The following CADM2 variants were observed in gnomAD, a reference collection of about 807,000 sequenced individuals.
CADM2 encodes the protein cell adhesion molecule 2.
Under a neutral mutation model 49.8 loss-of-function variants are expected in CADM2, and 12 were observed. The observed-to-expected ratio is 0.24, with a 90% CI of 0.15 to 0.39. The LOEUF (loss-of-function observed/expected upper bound fraction) is 0.39. Among genes scored for constraint, CADM2 ranks in the 10% least tolerant of loss-of-function variants. The probability of loss-of-function intolerance (pLI) is 1.00; values close to 1 mark genes in which losing one functional copy is unlikely to be tolerated. For missense variants in CADM2, 378 were observed against 492.3 expected (o/e 0.77, Z 2.20); for synonymous variants, 214 against 175.4 (o/e 1.22, Z -1.74).
At chr3:86,009,430 A>C (rs923001735) in intron 8 of CADM2, among the ~76,000 whole-genome samples, 9 of 151,652 alleles carry the variant, frequency 5.9e-5, no homozygotes, top group African/African-American at 1.9e-4. Flanking sequence ...GTTTTTTACT[A>C]TTATTTTAGG....
At chr3:85,463,771 T>C (rs1359235349) in intron 1 of CADM2, among the ~76,000 whole-genome samples, 5 of 152,088 alleles carry the variant, frequency 3.3e-5, no homozygotes, top group African/African-American at 1.2e-4. Flanking sequence ...AACAGTTCAA[T>C]ATTGTTTCGC....
chr3:85,095,062 T>C (rs2037743157), intron 1 of CADM2, among the ~76,000 whole-genome samples: 1 of 152,176 alleles, frequency 6.6e-6, no homozygotes, highest in South Asian at 2.1e-4. Flanking sequence ...AATAAATTAT[T>C]TATAGAATAT....
chr3:85,754,988 G>A (rs1226290009), intron 2 of CADM2, among the ~76,000 whole-genome samples: 1 of 152,166 alleles, frequency 6.6e-6, no homozygotes, highest in Non-Finnish European at 1.5e-5. Flanking sequence ...TCAGTTGCAA[G>A]TTACAGAAAC....
intron 3 of CADM2, among the ~76,000 whole-genome samples, chr3:85,819,974 G>A (rs1389368626): frequency 6.6e-6 from 1 of 152,060 alleles, no homozygotes; most frequent in Non-Finnish European, 1.5e-5. Flanking sequence ...TTAAATAAAT[G>A]TGAGAGAAAG....
intron 2 of CADM2, among the ~76,000 whole-genome samples, chr3:85,749,200 GAAC>G (rs1235176740): frequency 1.3e-5 from 2 of 151,834 alleles, no homozygotes; most frequent in South Asian, 2.1e-4. Context: ...ACAATGGCAA[GAAC>G]AACAACAAAA....
chr3:85,057,756 T>A (rs1181008305), intron 1 of CADM2, among the ~76,000 whole-genome samples: 1 of 152,152 alleles, frequency 6.6e-6, no homozygotes, highest in East Asian at 1.9e-4. Context: ...TTGCTGCCAC[T>A]GATGCTTTCT....
intron 1 of CADM2, among the ~76,000 whole-genome samples, chr3:85,121,508 A>G (rs2038862567): frequency 6.6e-6 from 1 of 152,166 alleles, no homozygotes; most frequent in African/African-American, 2.4e-5. Flanking sequence ...CGAGGCTTGG[A>G]TCTGAGAACA....
chr3:85,464,362 C>A (rs2038393768), intron 1 of CADM2, among the ~76,000 whole-genome samples: 1 of 151,862 alleles, frequency 6.6e-6, no homozygotes, highest in African/African-American at 2.4e-5. Context: ...ATGAAAAGTA[C>A]AAAAAGAAAA....
chr3:85,272,578 A>G (rs956879145), intron 1 of CADM2, among the ~76,000 whole-genome samples: 1 of 151,364 alleles, frequency 6.6e-6, no homozygotes, highest in African/African-American at 2.4e-5. Context: ...TTTTAGATTC[A>G]TAATTATGCA....
chr3:85,060,281 C>T (rs1011405393), intron 1 of CADM2, among the ~76,000 whole-genome samples: 2 of 152,070 alleles, frequency 1.3e-5, no homozygotes, highest in African/African-American at 2.4e-5. Flanking sequence ...CGCCCACCAC[C>T]ACGCCTGGCT....
chr3:85,306,107 T>C lies in CADM2; in HGVS notation c.61+346439T>C, dbSNP rs1241471244. Among the ~76,000 whole-genome samples, 3 of 151,674 alleles carry C rather than the reference T, an allele frequency of 2.0e-5. No individual in the cohort carries two copies. In the East Asian group the frequency reaches 5.8e-4, roughly 29 times the overall value. ...AATATATTATTTGATTAATTATCCATAGGTAGGTTAAAATATTTCTGTTCT... is the reference window on the plus strand; with the variant it reads ...AATATATTATTTGATTAATTATCCACAGGTAGGTTAAAATATTTCTGTTCT... On this transcript the variant is annotated intron_variant, in intron 1 of 9. Coordinates refer to ENST00000383699, the MANE Select transcript of CADM2 (RefSeq NM_001167675.2).
At chr3:85,658,578 A>ATG (rs1559575291) in intron 1 of CADM2, among the ~76,000 whole-genome samples, 2 of 41,452 alleles carry the variant, frequency 4.8e-5, no homozygotes, top group African/African-American at 2.3e-4. Flanking sequence ...ATATATGTGT[A>ATG]TATATATATA....
At chr3:85,116,836 TACCTTAGG>T (rs1020792047) in intron 1 of CADM2, among the ~76,000 whole-genome samples, 1 of 151,992 alleles carries the variant, frequency 6.6e-6, no homozygotes, top group African/African-American at 2.4e-5. Context: ...ATCATGTTCT[TACCTTAGG>T]ACATTTTTCT....
intron 3 of CADM2, among the ~76,000 whole-genome samples, chr3:85,828,416 G>A (rs1286441872): frequency 1.3e-5 from 2 of 151,878 alleles, no homozygotes; most frequent in Admixed American, 6.6e-5. Context: ...CACCATATGG[G>A]AGAAAAGAGA....
chr3:85,193,383 A>C (rs1166541887), intron 1 of CADM2, among the ~76,000 whole-genome samples: 15 of 152,132 alleles, frequency 9.9e-5, no homozygotes, highest in African/African-American at 3.6e-4. Flanking sequence ...AATTTAGCAG[A>C]TCTATCTAAA....
At chr3:85,062,398 A>G (rs1230185633) in intron 1 of CADM2, among the ~76,000 whole-genome samples, 1 of 152,066 alleles carries the variant, frequency 6.6e-6, no homozygotes, top group East Asian at 1.9e-4. Flanking sequence ...TATTAATAGC[A>G]ACATTAATTA....
intron 1 of CADM2, among the ~76,000 whole-genome samples, chr3:85,698,436 AT>A (rs1451969147): frequency 1.3e-5 from 2 of 152,226 alleles, no homozygotes; most frequent in East Asian, 3.9e-4. Context: ...AGACTGGGTA[AT>A]TTATAAAGAA....
chr3:85,888,963 C>G (rs1258651993), intron 5 of CADM2, among the ~76,000 whole-genome samples: 2 of 151,964 alleles, frequency 1.3e-5, no homozygotes, highest in Non-Finnish European at 2.9e-5. Context: ...AAAGACACTC[C>G]CTAGCATAAA....
intron 2 of CADM2, among the ~76,000 whole-genome samples, chr3:85,795,220 A>G (rs1256419412): frequency 1.3e-5 from 2 of 152,120 alleles, no homozygotes; most frequent in Non-Finnish European, 2.9e-5. Context: ...CTTCTTTGGA[A>G]AGACTCTAAG....
Sources: allele counts gnomAD v4.1 joint callset (sites outside exome capture counted in the v4.1 genomes callset), GRCh38; gene constraint gnomAD v4.1.1; transcripts MANE v1.5; gene names NCBI Gene and HGNC (gene_info 2026-07-23, HGNC 2026-07-21).